SUGCT: variants seen among roughly 807,000 people sequenced by gnomAD.
SUGCT encodes succinyl-CoA:glutarate CoA-transferase.
In SUGCT, 41 loss-of-function variants were observed where a neutral mutation model predicts 55.0. The observed-to-expected ratio is 0.74, with a 90% confidence interval of 0.58 to 0.97. The LOEUF is 0.97. SUGCT is among the 50% of genes least tolerant of loss of function. The pLI, the probability that SUGCT is intolerant of heterozygous loss-of-function variation, is 0.00. For synonymous variants in SUGCT, 187 were observed against 200.4 expected, an observed-to-expected ratio of 0.93 and a Z score of 0.56; for missense variants, 568 against 547.8, an observed-to-expected ratio of 1.04 and a Z score of -0.37.
At chr7:40,631,989 C>G (rs1186836067) in intron 12 of SUGCT, among the ~76,000 whole-genome samples, 1 of 152,204 alleles carries the variant, frequency 6.6e-6, no homozygotes, top group Non-Finnish European at 1.5e-5. Flanking sequence ...TTAATCCCTG[C>G]AGATGCTCCC....
chr7:40,200,552 G>T (rs1347307271), intron 6 of SUGCT, among the ~76,000 whole-genome samples: 1 of 152,048 alleles, frequency 6.6e-6, no homozygotes, highest in African/African-American at 2.4e-5. Context: ...TCCGTGGTAG[G>T]AAAGATCTAG....
chr7:40,388,696 A>G (rs1188889973), intron 9 of SUGCT, among the ~76,000 whole-genome samples: 2 of 152,210 alleles, frequency 1.3e-5, no homozygotes, highest in African/African-American at 4.8e-5. Flanking sequence ...GATTACAGGC[A>G]TGAGCCACTG....
intron 12 of SUGCT, among the ~76,000 whole-genome samples, chr7:40,701,813 A>G (rs10951638): frequency 0.3 from 45,945 of 151,996 alleles, 7,112 homozygotes; most frequent in Middle Eastern, 0.38. Flanking sequence ...CCTACTTTCA[A>G]CTAAGGAAAC....
chr7:40,446,518 C>G (rs1788848465), intron 9 of SUGCT, among the ~76,000 whole-genome samples: 2 of 152,094 alleles, frequency 1.3e-5, no homozygotes, highest in Admixed American at 1.3e-4. Flanking sequence ...TTACTTTTGC[C>G]CTCATGGACA....
the SUGCT span, among the ~76,000 whole-genome samples, chr7:40,930,834 A>G: frequency 3.3e-5 from 5 of 152,082 alleles, no homozygotes; most frequent in Admixed American, 3.3e-4. Flanking sequence ...GAGATGATGG[A>G]GTTTTCTAAA....
At chr7:40,770,736 T>A (rs1789055652) in intron 13 of SUGCT, among the ~76,000 whole-genome samples, 1 of 152,032 alleles carries the variant, frequency 6.6e-6, no homozygotes, top group African/African-American at 2.4e-5. Context: ...AAACCATATC[T>A]GTCACATCAT....
At chr7:40,336,454 A>T (rs944385090) in intron 9 of SUGCT, among the ~76,000 whole-genome samples, 1 of 152,062 alleles carries the variant, frequency 6.6e-6, no homozygotes, top group African/African-American at 2.4e-5. Context: ...CAGGGATTCA[A>T]CTTCTTCCTG....
At chr7:40,533,229 T>C (rs1794186530) in intron 12 of SUGCT, among the ~76,000 whole-genome samples, 1 of 152,204 alleles carries the variant, frequency 6.6e-6, no homozygotes, top group Non-Finnish European at 1.5e-5. Flanking sequence ...CACATTTTCC[T>C]CACCTATAAA....
chr7:40,578,393 C>T (rs558092159), intron 12 of SUGCT, among the ~76,000 whole-genome samples: 3 of 151,976 alleles, frequency 2.0e-5, no homozygotes, highest in Non-Finnish European at 4.4e-5. Context: ...CACCTCCACC[C>T]CTTGCCTTCT....
intron 12 of SUGCT, among the ~76,000 whole-genome samples, chr7:40,540,941 C>T (rs995021867): frequency 1.3e-5 from 2 of 152,178 alleles, no homozygotes; most frequent in Non-Finnish European, 2.9e-5. Flanking sequence ...CTGTTCTCAT[C>T]CACTTATACT....
At chr7:40,580,591 C>T (rs1349593492) in intron 12 of SUGCT, among the ~76,000 whole-genome samples, 1 of 152,120 alleles carries the variant, frequency 6.6e-6, no homozygotes, top group Non-Finnish European at 1.5e-5. Context: ...TTGGCCTTGC[C>T]TCAGTAAGAA....
intron 8 of SUGCT, among the ~76,000 whole-genome samples, chr7:40,285,790 A>G (rs1793299063): frequency 2.6e-5 from 4 of 152,220 alleles, no homozygotes; most frequent in Non-Finnish European, 5.9e-5. Context: ...TTTGTCGGCT[A>G]GAGTCATTAT....
Position 40,456,178 on chromosome 7 carries a change from G to A in SUGCT, c.889-2923G>A, listed in dbSNP as rs188297198. 1.9e-3 allele frequency among the ~76,000 whole-genome samples: 295 copies of A among 151,946 alleles called. No individual in the cohort carries two copies. In the Middle Eastern group the frequency reaches 0.024, roughly 12 times the overall value. On this transcript the variant is annotated intron_variant, in intron 10 of 13. Transcript: ENST00000335693. ...GTAGCTGGGATTACAGGCACCCACC[G>A]TCATGCCTGAATAATTTTTGTATTT...
intron 12 of SUGCT, among the ~76,000 whole-genome samples, chr7:40,526,924 G>T (rs944988749): frequency 6.6e-6 from 1 of 151,898 alleles, no homozygotes; most frequent in African/African-American, 2.4e-5. Context: ...ATGATGTTCG[G>T]GTCTATCTTG....
intron 12 of SUGCT, among the ~76,000 whole-genome samples, chr7:40,726,850 G>A (rs11767100): frequency 0.18 from 28,042 of 152,104 alleles, 2,895 homozygotes; most frequent in Non-Finnish European, 0.24. Flanking sequence ...GTTAGTACCC[G>A]TAGCCAAAGG....
chr7:40,505,719 G>T (rs530307541), intron 12 of SUGCT, among the ~76,000 whole-genome samples: 30 of 152,000 alleles, frequency 2.0e-4, no homozygotes, highest in African/African-American at 6.7e-4. Flanking sequence ...TATAGTATTA[G>T]ATTTATTTAA....
intron 7 of SUGCT, among the ~76,000 whole-genome samples, chr7:40,249,988 T>C (rs1214834076): frequency 2.0e-5 from 3 of 152,190 alleles, no homozygotes; most frequent in Non-Finnish European, 4.4e-5. Context: ...GATTTCACTA[T>C]GTTGGCTAGG....
the SUGCT span, among the ~76,000 whole-genome samples, chr7:40,895,726 C>T: frequency 6.6e-6 from 1 of 151,776 alleles, no homozygotes; most frequent in Non-Finnish European, 1.5e-5. Flanking sequence ...TGTACAAAAC[C>T]ACAAAGTCCT....
chr7:40,270,097 T>C (rs11764497), intron 7 of SUGCT, among the ~76,000 whole-genome samples: 39,651 of 149,260 alleles, frequency 0.27, 6,530 homozygotes, highest in East Asian at 0.46. Flanking sequence ...GATTACACCA[T>C]TGGATTTCAG....
Sources: gnomAD v4.1 joint callset for allele counts (sites outside exome capture counted in the v4.1 genomes callset) on GRCh38, gnomAD v4.1.1 for gene constraint, MANE v1.5 for transcripts, NCBI Gene and HGNC (gene_info 2026-07-23, HGNC 2026-07-21) for gene names.